ZBBX: variants seen among roughly 807,000 people sequenced by gnomAD.
ZBBX encodes zinc finger B-box domain containing, also known as zinc finger B-box domain-containing protein 1.
In ZBBX, 101 loss-of-function variants were observed where a neutral mutation model predicts 108.5. The ratio of observed to expected loss-of-function variants is 0.93; its 90% CI spans 0.79 to 1.10. The LOEUF is 1.10. Ranked by LOEUF, ZBBX falls within the 50% of genes least tolerant of loss-of-function variation. The pLI, the probability that ZBBX is intolerant of heterozygous loss-of-function variation, is 0.00. For missense variants in ZBBX, 1,009 were observed against 941.4 expected (o/e 1.07, Z -0.94); for synonymous variants, 356 against 323.4 (o/e 1.10, Z -1.08).
At chr3:167,324,689 G>A (rs1379318263) in intron 11 of ZBBX, among the ~76,000 whole-genome samples, 4 of 152,094 alleles carry the variant, frequency 2.6e-5, no homozygotes, top group Non-Finnish European at 1.5e-5. Context: ...TTTGAAGATT[G>A]TGTGCCAACA....
chr3:167,386,050 G>A (rs2108634756), intron 1 of ZBBX, among the ~76,000 whole-genome samples: 1 of 152,066 alleles, frequency 6.6e-6, no homozygotes, highest in South Asian at 2.1e-4. Context: ...GAACCAGTCA[G>A]ATACTCTCCT....
At chr3:167,352,164 T>C (rs1205252958) in intron 8 of ZBBX, among the ~76,000 whole-genome samples, 1 of 151,498 alleles carries the variant, frequency 6.6e-6, no homozygotes, top group Non-Finnish European at 1.5e-5. Context: ...ATAAATAAAA[T>C]TGAGCTAAAA....
chr3:167,314,190 A>C, intron 15 of ZBBX, 74 bp from the exon 16 acceptor site: 1 of 1,314,236 alleles, frequency 7.6e-7, no homozygotes, highest in South Asian at 1.7e-5. Context: ...AAAAGTCCCA[A>C]GTCATTAAAA....
intron 2 of ZBBX, among the ~76,000 whole-genome samples, chr3:167,379,054 T>A (rs1747404770): frequency 6.6e-6 from 1 of 152,208 alleles, no homozygotes; most frequent in Non-Finnish European, 1.5e-5. Flanking sequence ...GTGCCAATAA[T>A]AATGTGCTAA....
chr3:167,274,999 G>A (rs1024234592), intron 20 of ZBBX, among the ~76,000 whole-genome samples: 2 of 152,068 alleles, frequency 1.3e-5, no homozygotes, highest in African/African-American at 2.4e-5. Context: ...TTTCTTTTGC[G>A]GCATCGGAAA....
At chr3:167,322,640 CATA>C (rs2108327346) in intron 11 of ZBBX, among the ~76,000 whole-genome samples, 1 of 152,076 alleles carries the variant, frequency 6.6e-6, no homozygotes, top group South Asian at 2.1e-4. Flanking sequence ...ATAAATAATT[CATA>C]ATGACATCTG....
chr3:167,289,297 C>T (rs1730243089), intron 18 of ZBBX, among the ~76,000 whole-genome samples: 1 of 151,988 alleles, frequency 6.6e-6, no homozygotes, highest in Non-Finnish European at 1.5e-5. Context: ...AAAATGGAAA[C>T]TAAAAAATCA....
chr3:167,208,613 C>T, the ZBBX span, among the ~76,000 whole-genome samples: 1 of 152,138 alleles, frequency 6.6e-6, no homozygotes, highest in African/African-American at 2.4e-5. Context: ...CCTGGCAGCA[C>T]CACCTGCTGA....
chr3:167,333,025 C>T (rs1196913928), intron 10 of ZBBX, among the ~76,000 whole-genome samples: 2 of 151,958 alleles, frequency 1.3e-5, no homozygotes, highest in Non-Finnish European at 2.9e-5. Context: ...TATTAGAAAG[C>T]GAAATCCACA....
chr3:167,242,413 A>G, intron 21 of ZBBX, 92 bp downstream of exon 21: 1 of 1,122,498 alleles, frequency 8.9e-7, no homozygotes, highest in Non-Finnish European at 1.2e-6. Context: ...ACATGAGGAC[A>G]ATCTTTCTAT....
chr3:167,246,219 T>C (rs1297583569), intron 20 of ZBBX, among the ~76,000 whole-genome samples: 2 of 152,266 alleles, frequency 1.3e-5, no homozygotes, highest in Non-Finnish European at 2.9e-5. Context: ...CTTTTAAATA[T>C]GTTTTCACTT....
At chr3:167,341,631 T>C (rs891449079) in intron 9 of ZBBX, among the ~76,000 whole-genome samples, 2 of 151,944 alleles carry the variant, frequency 1.3e-5, no homozygotes. Context: ...CTCACACCTG[T>C]AATTTTGCTT....
intron 20 of ZBBX, among the ~76,000 whole-genome samples, chr3:167,269,733 C>T (rs372984698): frequency 4.6e-5 from 7 of 152,154 alleles, no homozygotes; most frequent in Admixed American, 2.0e-4. Context: ...TGGGTCATAC[C>T]GGTTAGTACA....
intron 20 of ZBBX, among the ~76,000 whole-genome samples, chr3:167,244,166 A>C (rs1260769063): frequency 1.3e-5 from 2 of 152,206 alleles, no homozygotes. Context: ...ATATAGTGGA[A>C]GAGCTGAAAC....
chr3:167,194,229 A>T, the ZBBX span, among the ~76,000 whole-genome samples: 2 of 139,820 alleles, frequency 1.4e-5, no homozygotes, highest in African/African-American at 2.6e-5. Context: ...ATATGTACTA[A>T]ATATATATAT....
the ZBBX span, among the ~76,000 whole-genome samples, chr3:167,206,450 T>C: frequency 6.6e-6 from 1 of 151,994 alleles, no homozygotes; most frequent in Non-Finnish European, 1.5e-5. Flanking sequence ...TGAACATAAA[T>C]GAACAGATAT....
chr3:167,187,236 T>C, the ZBBX span, among the ~76,000 whole-genome samples: 1 of 152,214 alleles, frequency 6.6e-6, no homozygotes, highest in Non-Finnish European at 1.5e-5. Flanking sequence ...AAGTAACAAG[T>C]ACTTATCTAG....
intron 1 of ZBBX, among the ~76,000 whole-genome samples, chr3:167,402,142 C>T (rs377242169): frequency 2.6e-4 from 39 of 152,240 alleles, no homozygotes; most frequent in African/African-American, 7.2e-4. Flanking sequence ...GTTTGCTCAA[C>T]GCAGTCATTC....
chr3:167,193,454 C>T, the ZBBX span, among the ~76,000 whole-genome samples: 2 of 152,180 alleles, frequency 1.3e-5, no homozygotes, highest in African/African-American at 2.4e-5. Context: ...TGCCTCCCCT[C>T]TTTGTCTCTG....
Sources: gnomAD v4.1 joint callset for allele counts (sites outside exome capture counted in the v4.1 genomes callset) on GRCh38, gnomAD v4.1.1 for gene constraint, MANE v1.5 for transcripts, NCBI Gene and HGNC (gene_info 2026-07-23, HGNC 2026-07-21) for gene names.